Variants in ANKRD44 observed in about 807,000 individuals in gnomAD.
ANKRD44 encodes serine/threonine-protein phosphatase 6 regulatory ankyrin repeat subunit B.
In ANKRD44, 35 loss-of-function variants were observed where a neutral mutation model predicts 116.0. The observed-to-expected ratio is 0.30, with a 90% CI of 0.23 to 0.40. The LOEUF (loss-of-function observed/expected upper bound fraction) is 0.40, where lower values mean the gene tolerates loss of function less well. Ranked by LOEUF, ANKRD44 falls within the 10% of genes least tolerant of loss-of-function variation. The pLI is 1.00. For synonymous variants in ANKRD44, 435 were observed against 461.8 expected, an observed-to-expected ratio of 0.94 and a Z score of 0.74; for missense variants, 1,014 against 1,242.6, an observed-to-expected ratio of 0.82 and a Z score of 2.77.
Position 197,121,324 on chromosome 2 carries a change from T to A in ANKRD44, c.906+8A>T, listed in dbSNP as rs2697270. 2 of 1,611,908 alleles carry A rather than the reference T, an allele frequency of 1.2e-6. No homozygotes were observed. Among genetic ancestry groups the A allele is most frequent in the Admixed American group, 3.3e-5 (2 of 59,996 alleles). Reference sequence around the variant, plus strand: ...AGGCATTCAACACAGAGACTAAGAGTGTCATACCTGAATGTTAACATCTGC... The same window carrying A: ...AGGCATTCAACACAGAGACTAAGAGAGTCATACCTGAATGTTAACATCTGC... On this transcript the variant is annotated splice_region_variant and intron_variant, in intron 8 of 27. Coordinates refer to ENST00000282272, the MANE Select transcript of ANKRD44 (RefSeq NM_001195144.2).
rs1296124521 is a variant in ANKRD44 at position 197,201,447 on chromosome 2, C to A, written c.28-14341G>T. On this transcript the variant is annotated intron_variant, in intron 1 of 27. Transcript: ENST00000282272. This position sits in a 1 kb window ranked among gnomAD's most constrained non-coding sequence, Gnocchi z 4.0. ...GCAACTGAGGTCTGAGACAAGGCATCAGGGAGATAGGATCCTTTGGCCTCC... is the reference window on the plus strand; with the variant it reads ...GCAACTGAGGTCTGAGACAAGGCATAAGGGAGATAGGATCCTTTGGCCTCC... Among the ~76,000 whole-genome samples the A allele has an allele frequency of 1.3e-5, 2 of 152,168 alleles. No individual in the cohort carries two copies. Among genetic ancestry groups the A allele is most frequent in the Non-Finnish European group, 2.9e-5 (2 of 68,020 alleles).
intron 1 of ANKRD44, among the ~76,000 whole-genome samples, chr2:197,308,285 C>T (rs2084135709): frequency 6.6e-6 from 1 of 152,268 alleles, no homozygotes; most frequent in East Asian, 1.9e-4. Flanking sequence ...AGGCGGGCGG[C>T]TCCCTGCCCA....
At chr2:197,130,137 A>G (rs1449996736) in intron 4 of ANKRD44, among the ~76,000 whole-genome samples, 1 of 152,186 alleles carries the variant, frequency 6.6e-6, no homozygotes, top group Non-Finnish European at 1.5e-5. Context: ...GGCTTATGCT[A>G]TATTACTGTA....
At chr2:197,054,158 T>C (rs1396134897) in intron 16 of ANKRD44, among the ~76,000 whole-genome samples, 1 of 152,256 alleles carries the variant, frequency 6.6e-6, no homozygotes, top group Middle Eastern at 3.2e-3. Context: ...TCTAAACTTA[T>C]ATGTAATGTA....
chr2:196,999,324 A>G lies in ANKRD44; in HGVS notation c.2520-272T>C, dbSNP rs182858085. Reference sequence around the variant, plus strand: ...TACTGACTCTTTAATCTTAAGTTCCAGTGAGTCTACTTTTATCTTTGAGAT... The same window carrying G: ...TACTGACTCTTTAATCTTAAGTTCCGGTGAGTCTACTTTTATCTTTGAGAT... On this transcript the variant is annotated intron_variant, in intron 23 of 27. Transcript: ENST00000282272. Among the ~76,000 whole-genome samples, 9 of 152,276 alleles carry G rather than the reference A, an allele frequency of 5.9e-5. 1 individual carries two copies. The East Asian group carries it at 1.7e-3, about 29-fold the overall frequency.
chr2:197,284,934 C>T (rs11887559), intron 1 of ANKRD44, among the ~76,000 whole-genome samples: 3,450 of 151,172 alleles, frequency 0.023, 135 homozygotes, highest in African/African-American at 0.078. Flanking sequence ...TGTTAAGATA[C>T]GAAGAGCTTC....
chr2:197,229,043 C>CA (rs1262756267), intron 1 of ANKRD44, among the ~76,000 whole-genome samples: 1 of 152,144 alleles, frequency 6.6e-6, no homozygotes, highest in Non-Finnish European at 1.5e-5. Context: ...CACACACACA[C>CA]AAAAAGAGCT....
chr2:197,156,079 G>A (rs2079803121), intron 2 of ANKRD44, among the ~76,000 whole-genome samples: 1 of 152,124 alleles, frequency 6.6e-6, no homozygotes, highest in Non-Finnish European at 1.5e-5. Flanking sequence ...GGGCGTGGTG[G>A]CTCACACCTG....
chr2:197,294,474 A>G (rs759211910), intron 1 of ANKRD44, among the ~76,000 whole-genome samples: 3 of 152,106 alleles, frequency 2.0e-5, no homozygotes, highest in African/African-American at 2.4e-5. Context: ...TAATAACTCA[A>G]ATGACTCTGG....
At chr2:197,026,010 A>G (rs1364759312) in intron 16 of ANKRD44, among the ~76,000 whole-genome samples, 1 of 147,122 alleles carries the variant, frequency 6.8e-6, no homozygotes, top group Non-Finnish European at 1.5e-5. Flanking sequence ...CTGGTTCCCT[A>G]GCAAGTAGAC....
intron 1 of ANKRD44, among the ~76,000 whole-genome samples, chr2:197,303,173 C>A (rs952348349): frequency 6.6e-6 from 1 of 152,170 alleles, no homozygotes; most frequent in East Asian, 1.9e-4. Flanking sequence ...TTAAAGCTGC[C>A]ACAAACACAC....
At position 197,305,967 on chromosome 2, in the gene ANKRD44, T is replaced by TTATATATATATATATATA. The variant is rs374313668; in HGVS notation, c.27+4593_27+4610dup. Among the ~76,000 whole-genome samples, 80 of 124,722 alleles carry TTATATATATATATATATA rather than the reference T, an allele frequency of 6.4e-4. 2 individuals carry two copies. Among genetic ancestry groups the TTATATATATATATATATA allele is most frequent in the East Asian group, 3.3e-3 (15 of 4,612 alleles). 81.8% of individuals were successfully genotyped at this position (124,722 alleles called of 152,430 possible). ...TTTCCTATAATGACCGCAGTTCGTT[T>TTATATATATATATATATA]TATATATATATATATATATATATAT... On this transcript the variant is annotated intron_variant, in intron 1 of 27. Transcript: ENST00000282272.
intron 2 of ANKRD44, among the ~76,000 whole-genome samples, chr2:197,184,823 T>C (rs1470614789): frequency 1.3e-5 from 2 of 152,060 alleles, no homozygotes; most frequent in African/African-American, 4.8e-5. Flanking sequence ...ACTTCATACA[T>C]CATACATCCA....
chr2:197,034,491 T>C (rs2076772130), intron 16 of ANKRD44, among the ~76,000 whole-genome samples: 1 of 149,318 alleles, frequency 6.7e-6, no homozygotes, highest in Non-Finnish European at 1.5e-5. Flanking sequence ...GGACTTCTAT[T>C]GGCACAATAA....
At chr2:197,033,324 T>C (rs2076743506) in intron 16 of ANKRD44, among the ~76,000 whole-genome samples, 1 of 152,158 alleles carries the variant, frequency 6.6e-6, no homozygotes, top group Non-Finnish European at 1.5e-5. Context: ...TGGTAATGAT[T>C]ACCATGATGA....
intron 21 of ANKRD44, chr2:196,967,501 T>C (rs772979774): frequency 9.1e-6 from 4 of 437,420 alleles, no homozygotes; most frequent in Non-Finnish European, 2.0e-5. Flanking sequence ...ATTATGTTAA[T>C]TGTTGCATTT....
At chr2:197,122,179 T>C (rs1026937646) in intron 7 of ANKRD44, among the ~76,000 whole-genome samples, 13 of 152,162 alleles carry the variant, frequency 8.5e-5, no homozygotes, top group African/African-American at 2.4e-4. Flanking sequence ...TTGGTTTTCC[T>C]TTCTTGGGGG....
intron 1 of ANKRD44, among the ~76,000 whole-genome samples, chr2:197,211,543 C>T (rs1240102444): frequency 1.3e-5 from 2 of 152,144 alleles, no homozygotes; most frequent in African/African-American, 4.8e-5. Context: ...CAGTCTAGTG[C>T]TGCCTTAAGA....
In ANKRD44 at chr2:197,203,598, GC is replaced by G. The variant is rs1237338614; in HGVS notation, c.28-16493del. ...TACCATATAATTCAGAAATTCCACT[GC>G]TATGTGTATATCCCAAAGAACTGAA... On this transcript the variant is annotated intron_variant, in intron 1 of 27. Coordinates refer to ENST00000282272, the MANE Select transcript of ANKRD44 (RefSeq NM_001195144.2). The surrounding 1 kb of genome is among the most constrained non-coding windows in gnomAD (Gnocchi z 4.1). Among the ~76,000 whole-genome samples, 2 of 152,192 alleles carry G rather than the reference GC, an allele frequency of 1.3e-5. No homozygotes were observed. Among genetic ancestry groups the G allele is most frequent in the Non-Finnish European group, 2.9e-5 (2 of 68,044 alleles).
Sources: gnomAD v4.1 joint callset for allele counts (sites outside exome capture counted in the v4.1 genomes callset) on GRCh38, gnomAD v4.1.1 for gene constraint, Gnocchi (gnomAD v3.1) non-coding constraint, MANE v1.5 for transcripts, NCBI Gene and HGNC (gene_info 2026-07-23, HGNC 2026-07-21) for gene names.